The following PCNA variants were observed in gnomAD, a reference collection of about 807,000 sequenced individuals.
PCNA encodes the protein proliferating cell nuclear antigen, also known as DNA sliding clamp PCNA.
Under a neutral mutation model 27.8 loss-of-function variants are expected in PCNA, and 4 were observed. That is an observed-to-expected ratio of 0.14 (90% confidence interval 0.07 to 0.33). The LOEUF is 0.33. Ranked by LOEUF, PCNA falls within the 10% of genes least tolerant of loss-of-function variation. The pLI, the probability that PCNA is intolerant of heterozygous loss-of-function variation, is 1.00. For missense variants in PCNA, 165 were observed against 327.4 expected (o/e 0.50, Z 3.83); for synonymous variants, 121 against 119.4 (o/e 1.01, Z -0.09).
upstream of PCNA, among the ~76,000 whole-genome samples, chr20:5,122,272 G>A (rs1412833333): frequency 2.0e-5 from 3 of 152,146 alleles, no homozygotes; most frequent in Admixed American, 6.5e-5. Context: ...ATGAGCCACC[G>A]CGCCCGGGTC....
chr20:5,118,970 T>A, intron 1 of PCNA, 104 bp from the exon 2 acceptor site: 1 of 739,230 alleles, frequency 1.4e-6, no homozygotes. Context: ...TCAGGCCGTC[T>A]CAGAACTGGT....
chr20:5,119,843 G>C lies in PCNA; in HGVS notation c.-45C>G. ...CGCCGCTACAGGCAGGCGGGAAGGA[G>C]GAAAGTCTAGCTGGTTTCGGCTTCA... On this transcript the variant is annotated 5_prime_UTR_variant, in exon 1 of 6. Transcript: ENST00000379143. 1 of 1,473,744 alleles carries C rather than the reference G, an allele frequency of 6.8e-7. No homozygotes were observed. The highest frequency in any genetic ancestry group is 9.3e-7 in the Non-Finnish European group (1 of 1,079,256). 91.3% of individuals were successfully genotyped at this position (1,473,744 alleles called of 1,614,324 possible). A position where few individuals can be genotyped will look rare whatever the true frequency, so the allele number is the denominator to read the frequency against.
chr20:5,118,018 T>C (rs1051614205), intron 3 of PCNA, among the ~76,000 whole-genome samples: 1 of 152,246 alleles, frequency 6.6e-6, no homozygotes, highest in Non-Finnish European at 1.5e-5. Flanking sequence ...TCTCCTTTGG[T>C]GTTTATAAAC....
At chr20:5,124,531 G>C (rs987243098), upstream of PCNA, among the ~76,000 whole-genome samples, 1 of 151,912 alleles carries the variant, frequency 6.6e-6, no homozygotes, top group South Asian at 2.1e-4. Context: ...TCGGGAGGCT[G>C]AGACAGGAGA....
chr20:5,125,025 T>C (rs897671886), intron 1 of PCNA, among the ~76,000 whole-genome samples: 10 of 152,202 alleles, frequency 6.6e-5, no homozygotes, highest in African/African-American at 9.6e-5. Flanking sequence ...TTCTAGACAC[T>C]AACATCTTCA....
intron 1 of PCNA, among the ~76,000 whole-genome samples, chr20:5,125,907 A>G (rs374174351): frequency 1.3e-5 from 2 of 152,188 alleles, no homozygotes; most frequent in African/African-American, 4.8e-5. Flanking sequence ...GTCCCAAAAA[A>G]GGTCTTTCCA....
At chr20:5,121,433 A>AACTTTGT (rs1381689312), upstream of PCNA, 5 of 142,166 alleles carry the variant, frequency 3.5e-5, no homozygotes, top group Non-Finnish European at 7.5e-5. Context: ...GACTCCATAC[A>AACTTTGT]AGGTTCTAAG....
upstream of PCNA, among the ~76,000 whole-genome samples, chr20:5,124,390 C>T (rs2090533400): frequency 6.6e-6 from 1 of 152,108 alleles, no homozygotes; most frequent in Admixed American, 6.5e-5. Flanking sequence ...AATCCCAGCA[C>T]TTTGGGAGGC....
upstream of PCNA, among the ~76,000 whole-genome samples, chr20:5,122,632 T>C (rs1169223999): frequency 1.3e-5 from 2 of 152,220 alleles, no homozygotes; most frequent in Admixed American, 1.3e-4. Flanking sequence ...CATCTGTTTG[T>C]GGTTCTTTTC....
intron 4 of PCNA, 92 bp downstream of exon 4, chr20:5,117,377 CA>C (rs1163965660): frequency 3.6e-6 from 3 of 843,446 alleles, no homozygotes; most frequent in Non-Finnish European, 5.5e-6. Context: ...ACTTGGGATC[CA>C]ATTCTGTCTA....
intron 1 of PCNA, 93 bp downstream of exon 1, chr20:5,119,485 G>T: frequency 9.8e-7 from 1 of 1,021,652 alleles, no homozygotes; most frequent in Non-Finnish European, 1.4e-6. Flanking sequence ...GATGGCCCAC[G>T]CCAGCCAATG....
upstream of PCNA, chr20:5,121,386 C>CTTTTTTTT (rs10712798): frequency 2.6e-4 from 25 of 97,218 alleles, no homozygotes; most frequent in Non-Finnish European, 3.2e-4. Flanking sequence ...CCTTTCTTTC[C>CTTTTTTTT]TTTTTTTTTT....
chr20:5,116,805 A>C (rs2090478499), intron 4 of PCNA, among the ~76,000 whole-genome samples: 1 of 152,196 alleles, frequency 6.6e-6, no homozygotes, highest in Admixed American at 6.5e-5. Context: ...GGTGTGCGCC[A>C]CCACACCCGG....
chr20:5,124,642 A>G (rs2090535021), upstream of PCNA, among the ~76,000 whole-genome samples: 1 of 152,016 alleles, frequency 6.6e-6, no homozygotes, highest in South Asian at 2.1e-4. Context: ...AAAAAAAACA[A>G]AAAACAAACA....
In PCNA at chr20:5,119,819, G is replaced by A. The variant is rs752062625; in HGVS notation, c.-21C>T. On this transcript the variant is annotated 5_prime_UTR_variant, in exon 1 of 6. Coordinates refer to ENST00000379143, the MANE Select transcript of PCNA (RefSeq NM_182649.2). ...AACATGGTGGCGGAGTGGCAACAAC[G>A]CCGCTACAGGCAGGCGGGAAGGAGG... 1.3e-6 allele frequency: 2 copies of A among 1,534,460 alleles called. No individual in the cohort carries two copies. The highest frequency in any genetic ancestry group is 1.8e-6 in the Non-Finnish European group (2 of 1,131,856).
At chr20:5,122,482 A>G (rs1335843466), upstream of PCNA, among the ~76,000 whole-genome samples, 12 of 152,126 alleles carry the variant, frequency 7.9e-5, no homozygotes, top group Non-Finnish European at 1.8e-4. Flanking sequence ...GTATTTTTCA[A>G]TAGTGCTATT....
Position 5,119,794 on chromosome 20 carries a change from A to C in PCNA, c.5T>G (p.Phe2Cys). M[F>C]EARLVQGSIL... Reference sequence around the variant, plus strand: ...GGAGCCCTGGACCAGGCGCGCCTCGAACATGGTGGCGGAGTGGCAACAACG... The same window carrying C: ...GGAGCCCTGGACCAGGCGCGCCTCGCACATGGTGGCGGAGTGGCAACAACG... Residue 2 changes from phenylalanine to cysteine, a missense_variant, in exon 1 of 6, where the codon TTC becomes TGC. Coordinates refer to ENST00000379143, the MANE Select transcript of PCNA (RefSeq NM_182649.2). 1 of 1,564,438 alleles carries C rather than the reference A, an allele frequency of 6.4e-7. No individual in the cohort carries two copies. The highest frequency in any genetic ancestry group is 8.7e-7 in the Non-Finnish European group (1 of 1,154,540).
At chr20:5,117,084 T>C (rs1326154487) in intron 4 of PCNA, among the ~76,000 whole-genome samples, 1 of 152,210 alleles carries the variant, frequency 6.6e-6, no homozygotes, top group Non-Finnish European at 1.5e-5. Flanking sequence ...ACATAAGTGC[T>C]CCAAACAGGT....
intron 1 of PCNA, 105 bp downstream of exon 1, chr20:5,119,473 C>T: frequency 1.1e-6 from 1 of 911,906 alleles, no homozygotes; most frequent in South Asian, 1.7e-5. Context: ...TGAGAAGGCG[C>T]GGATGGCCCA....
Sources: gnomAD v4.1 joint callset for allele counts (sites outside exome capture counted in the v4.1 genomes callset) on GRCh38, gnomAD v4.1.1 for gene constraint, MANE v1.5 for transcripts, NCBI Gene and HGNC (gene_info 2026-07-23, HGNC 2026-07-21) for gene names.